NUP153: variants seen among roughly 807,000 people sequenced by gnomAD.
NUP153 encodes nucleoporin 153, also known as nuclear pore complex protein Nup153.
A neutral mutation model predicts 134.6 loss-of-function variants in NUP153; 27 were observed. The ratio of observed to expected loss-of-function variants is 0.20; its 90% CI spans 0.15 to 0.28. The LOEUF (loss-of-function observed/expected upper bound fraction) is 0.28, where lower values mean the gene tolerates loss of function less well. Ranked by LOEUF, NUP153 falls within the 10% of genes least tolerant of loss-of-function variation. The pLI is 1.00. For synonymous variants in NUP153, 640 were observed against 623.5 expected, an observed-to-expected ratio of 1.03 and a Z score of -0.40; for missense variants, 1,821 against 1,731.3, an observed-to-expected ratio of 1.05 and a Z score of -0.92.
Position 17,675,002 on chromosome 6 carries a change from C to T in NUP153, c.755G>A (p.Ser252Asn), listed in dbSNP as rs1302772753. The T allele has an allele frequency of 6.2e-7, 1 of 1,613,494 alleles. No individual in the cohort carries two copies. Among genetic ancestry groups the T allele is most frequent in the Non-Finnish European group, 8.5e-7 (1 of 1,179,706 alleles). Residue 252 changes from serine to asparagine, a missense_variant, in exon 5 of 22, where the codon AGT becomes AAT. By Grantham distance (46) the Ser-to-Asn change is conservative. Coordinates refer to ENST00000262077, the MANE Select transcript of NUP153 (RefSeq NM_005124.4). This position sits in a 1 kb window ranked among gnomAD's most constrained non-coding sequence, Gnocchi z 4.4. ...ATAAAAAGGAGAATCTCCAAGCTGA[C>T]TGGTTTTAAGGATTGAAGAATTCCC... ...SLGNSSILKT[S>N]QLGDSPFYPG...
At chr6:17,652,383 C>G (rs1297124184) in intron 11 of NUP153, among the ~76,000 whole-genome samples, 1 of 152,040 alleles carries the variant, frequency 6.6e-6, no homozygotes, top group East Asian at 1.9e-4. Context: ...ACCCTCCCCC[C>G]CAAATATTAG....
intron 2 of NUP153, among the ~76,000 whole-genome samples, chr6:17,687,225 T>C (rs779707065): frequency 2.6e-5 from 4 of 152,238 alleles, no homozygotes; most frequent in Non-Finnish European, 5.9e-5. Context: ...AAAGATCATT[T>C]CTACAGCTAT....
chr6:17,664,735 C>G (rs1286227726), intron 9 of NUP153, among the ~76,000 whole-genome samples: 1 of 152,060 alleles, frequency 6.6e-6, no homozygotes, highest in Non-Finnish European at 1.5e-5. Context: ...CTAGAGTTTA[C>G]TAGTCAACAC....
At chr6:17,665,065 A>AAAAAAAAAAAAAAT (rs61311677) in intron 9 of NUP153, among the ~76,000 whole-genome samples, 174 bp downstream of exon 9, 1 of 151,200 alleles carries the variant, frequency 6.6e-6, no homozygotes, top group Non-Finnish European at 1.5e-5. Context: ...AAAAAAAAAA[A>AAAAAAAAAAAAAAT]TTTGATCAAG....
intron 1 of NUP153, among the ~76,000 whole-genome samples, chr6:17,702,748 G>A (rs1486201042): frequency 6.6e-6 from 1 of 152,132 alleles, no homozygotes; most frequent in Non-Finnish European, 1.5e-5. Flanking sequence ...AAAGGGGTAG[G>A]GGAGAAGGCA....
intron 11 of NUP153, 28 bp downstream of exon 11, chr6:17,661,623 CCT>C: frequency 1.3e-6 from 2 of 1,599,312 alleles, no homozygotes; most frequent in Non-Finnish European, 8.5e-7. Context: ...TTTAAATAAA[CCT>C]CAAGAGTATA....
intron 11 of NUP153, among the ~76,000 whole-genome samples, chr6:17,658,323 G>A (rs914359034): frequency 6.6e-6 from 1 of 152,188 alleles, no homozygotes; most frequent in East Asian, 1.9e-4. Flanking sequence ...TTGAACCCAA[G>A]AGGCAGAGGC....
chr6:17,654,052 T>C (rs969867193), intron 11 of NUP153, among the ~76,000 whole-genome samples: 2 of 152,180 alleles, frequency 1.3e-5, no homozygotes, highest in Non-Finnish European at 2.9e-5. Context: ...ATAAAGCAAA[T>C]GTAACACAAA....
rs895438740 is a variant in NUP153, at chr6:17,705,906, T to A, written c.111+371A>T. On this transcript the variant is annotated intron_variant, in intron 1 of 21. Coordinates refer to ENST00000262077, the MANE Select transcript of NUP153 (RefSeq NM_005124.4). ...GCAAGTATAAGGGCCATCAACCACA[T>A]CTTTTCCTTTCTCCCTCGAGAGAAC... 1.1e-4 allele frequency among the ~76,000 whole-genome samples: 16 copies of A among 151,950 alleles called. No homozygotes were observed. In the East Asian group the frequency reaches 1.2e-3, roughly 11 times the overall value.
intron 11 of NUP153, among the ~76,000 whole-genome samples, chr6:17,657,395 A>T (rs1393712375): frequency 1.5e-4 from 22 of 148,834 alleles, no homozygotes; most frequent in Non-Finnish European, 2.7e-4. Flanking sequence ...TAAAAAAATA[A>T]AAAAATAAAA....
chr6:17,689,870 A>T (rs562177699), intron 1 of NUP153, among the ~76,000 whole-genome samples: 1 of 152,128 alleles, frequency 6.6e-6, no homozygotes, highest in Non-Finnish European at 1.5e-5. Context: ...ATGTGGTATA[A>T]TAGCTTTCAC....
chr6:17,679,788 A>T (rs1038337998), intron 2 of NUP153, among the ~76,000 whole-genome samples: 1 of 152,226 alleles, frequency 6.6e-6, no homozygotes, highest in Non-Finnish European at 1.5e-5. Flanking sequence ...AAAAGAAAAC[A>T]GCCATTCTTC....
At chr6:17,662,442 C>A (rs1179369420) in intron 9 of NUP153, among the ~76,000 whole-genome samples, 3 of 152,082 alleles carry the variant, frequency 2.0e-5, no homozygotes, top group Non-Finnish European at 4.4e-5. Context: ...ATTAATACTT[C>A]CACTGAAAGG....
Position 17,646,047 on chromosome 6 carries a change from T to A in NUP153, c.1720+20A>T, listed in dbSNP as rs761003620. The A allele has an allele frequency of 1.7e-6, 2 of 1,144,772 alleles. No individual in the cohort carries two copies. Among genetic ancestry groups the A allele is most frequent in the Admixed American group, 1.9e-5 (1 of 52,774 alleles). 70.9% of individuals were successfully genotyped at this position (1,144,772 alleles called of 1,614,324 possible). ...GTATGCAATTGTTTGTATGTTAAAA[T>A]GTAAGAAATTTTTACTTACCTGAAC... On this transcript the variant is annotated intron_variant, in intron 14 of 21. Transcript: ENST00000262077.
chr6:17,646,887 G>GCA (rs1766214517), intron 13 of NUP153, among the ~76,000 whole-genome samples: 1 of 149,540 alleles, frequency 6.7e-6, no homozygotes, highest in Admixed American at 6.7e-5. Flanking sequence ...TTATAGGCGT[G>GCA]CACCACCATG....
chr6:17,688,034 G>A (rs1769041554), intron 2 of NUP153, among the ~76,000 whole-genome samples: 1 of 152,052 alleles, frequency 6.6e-6, no homozygotes, highest in Non-Finnish European at 1.5e-5. Context: ...CAGGAGAATG[G>A]CATGAATTCG....
intron 1 of NUP153, among the ~76,000 whole-genome samples, chr6:17,705,870 A>C (rs1393872994): frequency 6.6e-6 from 1 of 151,998 alleles, no homozygotes; most frequent in Non-Finnish European, 1.5e-5. Context: ...AAGAAGGGAC[A>C]CCAGAAAACA....
At chr6:17,627,724 T>C (rs1765016654) in intron 18 of NUP153, among the ~76,000 whole-genome samples, 1 of 152,218 alleles carries the variant, frequency 6.6e-6, no homozygotes, top group Non-Finnish European at 1.5e-5. Flanking sequence ...ATTTTCACTT[T>C]AAGGGCACTG....
chr6:17,675,326 G>A lies in NUP153; in HGVS notation c.626C>T (p.Ser209Phe), dbSNP rs1308328342. 4 of 1,613,912 alleles carry A rather than the reference G, an allele frequency of 2.5e-6. No individual in the cohort carries two copies. Among genetic ancestry groups the A allele is most frequent in the African/African-American group, 2.7e-5 (2 of 74,996 alleles). Residue 209 changes from serine to phenylalanine, a missense_variant, in exon 4 of 22, where the codon TCC (serine) becomes TTC (phenylalanine). Physicochemically the swap from Ser to Phe is radical, Grantham distance 155 (BLOSUM62 -2). Coordinates refer to ENST00000262077, the MANE Select transcript of NUP153 (RefSeq NM_005124.4). This position sits in a 1 kb window ranked among gnomAD's most constrained non-coding sequence, Gnocchi z 4.4. ...SKNTSLPPLW[S>F]PEAERSHSLS... ...TGAGTGAGAACGTTCAGCTTCTGGGGACCACAGAGGTGGCAATGAAGTGTT... is the reference window on the plus strand; with the variant it reads ...TGAGTGAGAACGTTCAGCTTCTGGGAACCACAGAGGTGGCAATGAAGTGTT...
Sources: gnomAD v4.1 joint callset for allele counts (sites outside exome capture counted in the v4.1 genomes callset) on GRCh38, gnomAD v4.1.1 for gene constraint, Gnocchi (gnomAD v3.1) non-coding constraint, MANE v1.5 for transcripts, NCBI Gene and HGNC (gene_info 2026-07-23, HGNC 2026-07-21) for gene names.